FOCAD: variants seen among roughly 807,000 people sequenced by gnomAD.
FOCAD encodes the protein KIAA1797.
Under a neutral mutation model 225.6 loss-of-function variants are expected in FOCAD, and 198 were observed. The ratio of observed to expected loss-of-function variants is 0.88; its 90% CI spans 0.78 to 0.99. FOCAD has a LOEUF of 0.99. Ranked by LOEUF, FOCAD falls within the 50% of genes least tolerant of loss-of-function variation. The pLI is 0.00. For synonymous variants in FOCAD, 897 were observed against 755.0 expected (o/e 1.19, Z -3.08); for missense variants, 2,713 against 2,123.6 (o/e 1.28, Z -5.46).
intron 1 of FOCAD, among the ~76,000 whole-genome samples, chr9:20,686,346 G>A (rs1445226586): frequency 1.3e-5 from 2 of 151,986 alleles, no homozygotes; most frequent in Non-Finnish European, 2.9e-5. Context: ...TAGTAGAGAC[G>A]GAGTTTCACC....
chr9:20,736,561 T>A (rs1198723632), intron 4 of FOCAD, among the ~76,000 whole-genome samples: 1 of 152,148 alleles, frequency 6.6e-6, no homozygotes, highest in Admixed American at 6.5e-5. Flanking sequence ...TAGGATGAGT[T>A]TGTAGTTAGT....
At chr9:20,933,250 AG>A (rs928877620) in intron 28 of FOCAD, 147 bp downstream of exon 28, 9 of 597,118 alleles carry the variant, frequency 1.5e-5, no homozygotes, top group Admixed American at 8.6e-5. Flanking sequence ...TGGTTACATG[AG>A]TAAGTTCTTT....
At chr9:20,759,431 T>C (rs1829364354) in intron 6 of FOCAD, among the ~76,000 whole-genome samples, 1 of 152,192 alleles carries the variant, frequency 6.6e-6, no homozygotes, top group Admixed American at 6.6e-5. Flanking sequence ...ATCTGATCTT[T>C]GACAAACCTG....
chr9:20,892,652 A>G (rs1831716503), intron 21 of FOCAD, among the ~76,000 whole-genome samples: 1 of 152,010 alleles, frequency 6.6e-6, no homozygotes, highest in Admixed American at 6.6e-5. Flanking sequence ...GATGGAATCT[A>G]CTCCTGGTGA....
At chr9:20,699,553 A>G (rs1465395874) in intron 1 of FOCAD, among the ~76,000 whole-genome samples, 1 of 150,944 alleles carries the variant, frequency 6.6e-6, no homozygotes, top group Non-Finnish European at 1.5e-5. Flanking sequence ...CATCCTGGCT[A>G]ACACAGTGAA....
At chr9:20,709,467 C>G (rs1204393187) in intron 1 of FOCAD, among the ~76,000 whole-genome samples, 2 of 148,900 alleles carry the variant, frequency 1.3e-5, no homozygotes, top group Admixed American at 1.3e-4. Context: ...GTAGACTGCT[C>G]TCCAGACTGG....
intron 2 of FOCAD, among the ~76,000 whole-genome samples, chr9:20,671,411 T>G (rs1204019275): frequency 6.6e-6 from 1 of 152,170 alleles, no homozygotes; most frequent in Non-Finnish European, 1.5e-5. Context: ...CTAAAATCCT[T>G]AAGCTTGAAG....
intron 2 of FOCAD, among the ~76,000 whole-genome samples, chr9:20,672,475 G>A (rs1587190362): frequency 6.6e-6 from 1 of 152,238 alleles, no homozygotes; most frequent in Middle Eastern, 3.4e-3. Flanking sequence ...TTTTGAGATG[G>A]AGTCTCACTC....
At chr9:20,880,534 G>A (rs1830580931) in intron 19 of FOCAD, among the ~76,000 whole-genome samples, 2 of 152,154 alleles carry the variant, frequency 1.3e-5, no homozygotes, top group Non-Finnish European at 2.9e-5. Flanking sequence ...TTTAAAGACT[G>A]TTTTTCCAGA....
intron 24 of FOCAD, among the ~76,000 whole-genome samples, chr9:20,922,549 T>C (rs557857623): frequency 3.9e-5 from 6 of 152,308 alleles, no homozygotes; most frequent in African/African-American, 1.4e-4. Context: ...CTGACTCAAG[T>C]CTTCAATTGA....
intron 11 of FOCAD, among the ~76,000 whole-genome samples, chr9:20,806,633 A>G (rs1468268816): frequency 2.0e-5 from 3 of 152,226 alleles, no homozygotes; most frequent in Non-Finnish European, 2.9e-5. Context: ...GATCCTGTAC[A>G]TGAAAAAACA....
chr9:20,882,136 G>A (rs1256334977), intron 20 of FOCAD, 80 bp downstream of exon 20: 4 of 1,270,662 alleles, frequency 3.1e-6, no homozygotes, highest in Non-Finnish European at 4.4e-6. Context: ...GATATAATGG[G>A]CCATGGCAGG....
intron 15 of FOCAD, among the ~76,000 whole-genome samples, chr9:20,833,447 A>G (rs1057275118): frequency 6.6e-6 from 1 of 152,120 alleles, no homozygotes; most frequent in African/African-American, 2.4e-5. Flanking sequence ...AATATTAACT[A>G]AAGATAAACA....
chr9:20,784,636 G>C (rs1819731105), intron 10 of FOCAD, among the ~76,000 whole-genome samples: 2 of 152,120 alleles, frequency 1.3e-5, no homozygotes, highest in African/African-American at 4.8e-5. Context: ...GACTGAGCTG[G>C]GGTCTACCAT....
chr9:20,820,931 G>A lies in FOCAD; in HGVS notation c.1663-10G>A, dbSNP rs781507484. On this transcript the variant is annotated splice_polypyrimidine_tract_variant and intron_variant, in intron 13 of 43. Coordinates refer to ENST00000338382, the MANE Select transcript of FOCAD (RefSeq NM_001375567.1). ...GGGAAACTACCTTTTTTGTAAAATT[G>A]CCTTCGTAGGACCGAGTCTATCCTG... 1.6e-5 allele frequency: 26 copies of A among 1,603,312 alleles called. No individual in the cohort carries two copies. The East Asian group carries it at 5.1e-4, about 32-fold the overall frequency.
chr9:20,713,572 A>G (rs907159873), intron 1 of FOCAD, among the ~76,000 whole-genome samples: 3 of 152,180 alleles, frequency 2.0e-5, no homozygotes, highest in African/African-American at 7.2e-5. Flanking sequence ...TTATTTGTTT[A>G]AAAAATTATC....
In FOCAD at chr9:20,702,494, A is replaced by G. The variant is rs560644653; in HGVS notation, c.-32-12828A>G. On this transcript the variant is annotated intron_variant, in intron 1 of 43. Coordinates refer to ENST00000338382, the MANE Select transcript of FOCAD (RefSeq NM_001375567.1). ...TGTGAGATCTGGAGGCAGACTGTTT[A>G]TATTCATGCTTTTGCTTCTTACATA... Among the ~76,000 whole-genome samples the G allele has an allele frequency of 1.3e-4, 20 of 152,286 alleles. 1 individual carries two copies. The East Asian group carries it at 3.5e-3, about 26-fold the overall frequency.
At chr9:20,717,093 A>G (rs1825401322) in intron 2 of FOCAD, among the ~76,000 whole-genome samples, 1 of 152,190 alleles carries the variant, frequency 6.6e-6, no homozygotes, top group Non-Finnish European at 1.5e-5. Flanking sequence ...GTTGGACTAA[A>G]CTTAATATTC....
chr9:20,937,931 A>G (rs1475383933), intron 28 of FOCAD, among the ~76,000 whole-genome samples: 25 of 152,218 alleles, frequency 1.6e-4, no homozygotes, highest in Admixed American at 1.5e-3. Flanking sequence ...ATATGAACAG[A>G]CACTTCTCAA....
Sources: gnomAD v4.1 joint callset for allele counts (sites outside exome capture counted in the v4.1 genomes callset) on GRCh38, gnomAD v4.1.1 for gene constraint, MANE v1.5 for transcripts, NCBI Gene and HGNC (gene_info 2026-07-23, HGNC 2026-07-21) for gene names.